The following RIT2 variants were observed in gnomAD, a reference collection of about 807,000 sequenced individuals.
RIT2 encodes GTP-binding protein Rit2.
In RIT2, 24 loss-of-function variants were observed where a neutral mutation model predicts 23.7. The ratio of observed to expected loss-of-function variants is 1.01; its 90% CI spans 0.73 to 1.43. The LOEUF (loss-of-function observed/expected upper bound fraction) is 1.43, where lower values mean the gene tolerates loss of function less well. Among genes scored for constraint, RIT2 ranks in the 40% most tolerant of loss-of-function variants. RIT2 has a pLI of 0.00. For missense variants in RIT2, 236 were observed against 266.9 expected (o/e 0.88, Z 0.81); for synonymous variants, 107 against 91.1 (o/e 1.17, Z -0.99).
At chr18:43,044,418 C>G (rs1287700763) in intron 1 of RIT2, among the ~76,000 whole-genome samples, 1 of 152,060 alleles carries the variant, frequency 6.6e-6, no homozygotes, top group African/African-American at 2.4e-5. Flanking sequence ...TGGTTTGGTG[C>G]TTTCCAGATC....
chr18:42,971,835 T>C (rs1271022776), intron 3 of RIT2, among the ~76,000 whole-genome samples: 1 of 152,044 alleles, frequency 6.6e-6, no homozygotes, highest in African/African-American at 2.4e-5. Context: ...GGACCAAGAC[T>C]AGCAGATTGT....
chr18:43,051,216 G>A (rs927107283), intron 1 of RIT2, among the ~76,000 whole-genome samples: 14 of 152,178 alleles, frequency 9.2e-5, no homozygotes, highest in African/African-American at 2.6e-4. Context: ...ATCAAAACAC[G>A]TATTTGGCCA....
intron 1 of RIT2, among the ~76,000 whole-genome samples, chr18:43,103,053 C>T (rs1338851487): frequency 2.6e-5 from 4 of 152,162 alleles, no homozygotes; most frequent in Non-Finnish European, 5.9e-5. Flanking sequence ...ATCCTAAACA[C>T]TGTGTGGGCT....
At chr18:43,103,464 T>G (rs971663496) in intron 1 of RIT2, among the ~76,000 whole-genome samples, 1 of 152,288 alleles carries the variant, frequency 6.6e-6, no homozygotes, top group Admixed American at 6.5e-5. Flanking sequence ...AATAACATCT[T>G]AAGACCACAA....
intron 4 of RIT2, among the ~76,000 whole-genome samples, chr18:42,920,442 G>A (rs893938635): frequency 9.9e-5 from 15 of 152,124 alleles, no homozygotes; most frequent in Admixed American, 7.2e-4. Flanking sequence ...ATAAAATCTT[G>A]TGTGTAACGT....
intron 1 of RIT2, among the ~76,000 whole-genome samples, chr18:43,085,567 A>G (rs1458921038): frequency 6.6e-6 from 1 of 152,108 alleles, no homozygotes; most frequent in African/African-American, 2.4e-5. Flanking sequence ...GGATTTGTTT[A>G]GAGTCTACAT....
intron 4 of RIT2, among the ~76,000 whole-genome samples, chr18:42,828,092 A>C (rs1906354482): frequency 6.6e-6 from 1 of 152,084 alleles, no homozygotes; most frequent in African/African-American, 2.4e-5. Flanking sequence ...GGAAAACAAA[A>C]GGAAGAAGTT....
intron 1 of RIT2, among the ~76,000 whole-genome samples, chr18:43,098,375 A>G (rs1350428573): frequency 6.6e-6 from 1 of 151,920 alleles, no homozygotes; most frequent in Non-Finnish European, 1.5e-5. Context: ...CATTAGCAAA[A>G]GCAGCCTTTG....
intron 4 of RIT2, among the ~76,000 whole-genome samples, chr18:42,875,187 T>C (rs1050998110): frequency 2.6e-5 from 4 of 152,170 alleles, no homozygotes; most frequent in South Asian, 2.1e-4. Context: ...ATTCTCTCTG[T>C]AGTTTTAGCA....
chr18:43,022,005 C>G (rs751399491), intron 2 of RIT2, among the ~76,000 whole-genome samples: 1 of 152,090 alleles, frequency 6.6e-6, no homozygotes, highest in African/African-American at 2.4e-5. Flanking sequence ...TACCTGCATT[C>G]CCATGTTTAT....
chr18:43,004,390 C>T (rs1186454587), intron 2 of RIT2, among the ~76,000 whole-genome samples: 1 of 151,800 alleles, frequency 6.6e-6, no homozygotes, highest in Non-Finnish European at 1.5e-5. Flanking sequence ...AAACGTGACC[C>T]ATAATCCTTA....
intron 4 of RIT2, among the ~76,000 whole-genome samples, chr18:42,783,598 G>C (rs1343459919): frequency 6.6e-6 from 1 of 152,018 alleles, no homozygotes; most frequent in Non-Finnish European, 1.5e-5. Context: ...GAGGACACAA[G>C]GGGGCACACA....
At chr18:43,111,376 T>C (rs1445863892) in intron 1 of RIT2, among the ~76,000 whole-genome samples, 1 of 152,158 alleles carries the variant, frequency 6.6e-6, no homozygotes, top group Non-Finnish European at 1.5e-5. Flanking sequence ...AGATCTAACA[T>C]TTGATAGCAC....
chr18:42,944,719 A>C (rs959230622), intron 3 of RIT2, among the ~76,000 whole-genome samples: 1 of 152,112 alleles, frequency 6.6e-6, no homozygotes, highest in African/African-American at 2.4e-5. Context: ...AACTAAGCAA[A>C]TCATGTTGGT....
chr18:42,813,766 G>A (rs1196328451), intron 4 of RIT2, among the ~76,000 whole-genome samples: 2 of 152,164 alleles, frequency 1.3e-5, no homozygotes, highest in African/African-American at 4.8e-5. Flanking sequence ...AGCATGTGGA[G>A]GCTTGCGTCA....
intron 4 of RIT2, among the ~76,000 whole-genome samples, chr18:42,807,585 C>T (rs1006560484): frequency 6.6e-6 from 1 of 152,120 alleles, no homozygotes; most frequent in Admixed American, 6.5e-5. Flanking sequence ...CCACTGCACT[C>T]CAGCCTGGGT....
chr18:43,080,700 G>A (rs956560419), intron 1 of RIT2, among the ~76,000 whole-genome samples: 6 of 152,098 alleles, frequency 3.9e-5, no homozygotes, highest in African/African-American at 1.4e-4. Flanking sequence ...ACAAAGCAAG[G>A]TAAGAAGGGA....
intron 2 of RIT2, among the ~76,000 whole-genome samples, chr18:43,009,841 C>T (rs150347010): frequency 2.0e-5 from 3 of 151,814 alleles, no homozygotes; most frequent in African/African-American, 7.2e-5. Context: ...CTTCTTTCAC[C>T]TCTAATTTGC....
chr18:43,110,697 GT>G (rs1913932937), intron 1 of RIT2, among the ~76,000 whole-genome samples: 1 of 151,878 alleles, frequency 6.6e-6, no homozygotes, highest in Non-Finnish European at 1.5e-5. Context: ...CTTTTTTGTT[GT>G]TTTCTTTTGG....
Sources: allele counts gnomAD v4.1 joint callset (sites outside exome capture counted in the v4.1 genomes callset), GRCh38; gene constraint gnomAD v4.1.1; transcripts MANE v1.5; gene names NCBI Gene and HGNC (gene_info 2026-07-23, HGNC 2026-07-21).